Variants in CFAP54 observed in about 807,000 individuals in gnomAD.
CFAP54 encodes cilia and flagella associated protein 54, also known as cilia- and flagella-associated protein 54.
In CFAP54, 290 loss-of-function variants were observed where a neutral mutation model predicts 370.4. The observed-to-expected ratio is 0.78, with a 90% CI of 0.71 to 0.86. CFAP54 has a LOEUF of 0.86. Among genes scored for constraint, CFAP54 ranks in the 40% least tolerant of loss-of-function variants. The pLI is 0.00. For missense variants in CFAP54, 3,399 were observed against 3,528.7 expected (o/e 0.96, Z 0.93); for synonymous variants, 1,206 against 1,236.5 (o/e 0.98, Z 0.52).
At chr12:96,841,486 A>T (rs1959215004) in intron 66 of CFAP54, among the ~76,000 whole-genome samples, 1 of 152,246 alleles carries the variant, frequency 6.6e-6, no homozygotes, top group Non-Finnish European at 1.5e-5. Flanking sequence ...AGCTGAGTCA[A>T]TTGGCAAACC....
At chr12:96,551,972 C>T (rs117866665) in intron 15 of CFAP54, among the ~76,000 whole-genome samples, 18,480 of 152,080 alleles carry the variant, frequency 0.12, 1,205 homozygotes, top group Middle Eastern at 0.19. Context: ...TTGGGCTGGG[C>T]GTGGTGGCTC....
rs1260575279 is a variant in CFAP54, at chr12:96,829,032, T to C, written c.9115T>C (p.Cys3039Arg). 6.6e-7 allele frequency: 1 copy of C among 1,514,926 alleles called. No individual in the cohort carries two copies. Among genetic ancestry groups the C allele is most frequent in the Non-Finnish European group, 8.9e-7 (1 of 1,129,416 alleles). 93.8% of individuals were successfully genotyped at this position (1,514,926 alleles called of 1,614,324 possible). ...NEMEDMIIQC[C>R]SEIASLFLND... Reference sequence around the variant, plus strand: ...TTTCTAGGACATGATTATTCAATGTTGCTCTGAAATAGCATCTCTGTTTTT... The same window carrying C: ...TTTCTAGGACATGATTATTCAATGTCGCTCTGAAATAGCATCTCTGTTTTT... The change falls in exon 66 of 68, where the codon TGC (cysteine) becomes CGC (arginine). Residue 3039 changes from cysteine (C) to arginine (R), a missense_variant. Cys to Arg is a radical substitution (Grantham distance 180). This residue lies in a region of CFAP54 where 2,796 missense variants were observed against 2,869.7 expected (regional missense o/e 0.97). Transcript: ENST00000524981.
At chr12:96,715,891 A>ATATTCT (rs1957672404) in intron 48 of CFAP54, among the ~76,000 whole-genome samples, 2 of 152,060 alleles carry the variant, frequency 1.3e-5, no homozygotes, top group African/African-American at 4.8e-5. Context: ...CCTGGAGTTC[A>ATATTCT]CAAACAGGCC....
chr12:96,622,473 C>CT (rs1176058783), intron 27 of CFAP54, among the ~76,000 whole-genome samples: 2 of 152,060 alleles, frequency 1.3e-5, no homozygotes, highest in African/African-American at 4.8e-5. Context: ...GCCTCAGCCT[C>CT]TGAGTAGCTA....
At chr12:96,720,752 T>C (rs1422311254) in intron 50 of CFAP54, among the ~76,000 whole-genome samples, 187 bp downstream of exon 50, 2 of 152,360 alleles carry the variant, frequency 1.3e-5, no homozygotes, top group South Asian at 2.1e-4. Flanking sequence ...CTGGGTGTGG[T>C]GGCTCATGCC....
At chr12:96,505,414 T>G (rs1319005698) in intron 3 of CFAP54, among the ~76,000 whole-genome samples, 1 of 152,148 alleles carries the variant, frequency 6.6e-6, no homozygotes, top group Non-Finnish European at 1.5e-5. Context: ...CCATTGACTT[T>G]GCCTTTTGGC....
At chr12:96,743,976 C>G in intron 54 of CFAP54, 44 bp from the exon 55 acceptor site, 1 of 1,602,382 alleles carries the variant, frequency 6.2e-7, no homozygotes, top group Non-Finnish European at 8.5e-7. Context: ...CTATTCCAAA[C>G]CACGTCAACT....
chr12:96,847,580 C>A (rs984218268), intron 66 of CFAP54, among the ~76,000 whole-genome samples: 2 of 152,198 alleles, frequency 1.3e-5, no homozygotes, highest in African/African-American at 4.8e-5. Flanking sequence ...TGTACCACAA[C>A]TCTAAACAAT....
Position 96,678,399 on chromosome 12 carries a change from G to A in CFAP54, c.5564-1201G>A, listed in dbSNP as rs116392049. On this transcript the variant is annotated intron_variant, in intron 39 of 67. Coordinates refer to ENST00000524981, the MANE Select transcript of CFAP54 (RefSeq NM_001306084.2). Reference sequence around the variant, plus strand: ...CTTCAGTTGCTGGGATTACAGGCATGCATCATCATGCCTAGCTAATTTTTG... The same window carrying A: ...CTTCAGTTGCTGGGATTACAGGCATACATCATCATGCCTAGCTAATTTTTG... Among the ~76,000 whole-genome samples, 572 of 152,208 alleles carry A rather than the reference G, an allele frequency of 3.8e-3. 5 individuals carry two copies. The highest frequency in any genetic ancestry group is 0.012 in the African/African-American group (514 of 41,514).
At chr12:96,834,705 C>T (rs930890513) in intron 66 of CFAP54, among the ~76,000 whole-genome samples, 2 of 152,170 alleles carry the variant, frequency 1.3e-5, no homozygotes, top group African/African-American at 4.8e-5. Context: ...GCCTGGGGTC[C>T]CAGAAGGGCC....
At chr12:96,811,228 A>G (rs1958924885) in intron 63 of CFAP54, among the ~76,000 whole-genome samples, 1 of 152,196 alleles carries the variant, frequency 6.6e-6, no homozygotes, top group African/African-American at 2.4e-5. Flanking sequence ...CAGAATCCAA[A>G]CAACAGGGAA....
intron 33 of CFAP54, among the ~76,000 whole-genome samples, chr12:96,647,471 C>CGAAAAAAAAAAAAAAAAAA (rs1167008566): frequency 9.4e-5 from 1 of 10,688 alleles, no homozygotes; most frequent in Non-Finnish European, 2.5e-4. Flanking sequence ...AGACTCTGTC[C>CGAAAAAAAAAAAAAAAAAA]CAAAAAAAAA....
At chr12:96,811,652 T>A (rs956502574) in intron 63 of CFAP54, 84 bp from the exon 64 acceptor site, 33 of 700,946 alleles carry the variant, frequency 4.7e-5, no homozygotes, top group Admixed American at 1.1e-4. Flanking sequence ...TACAGTGATA[T>A]TATTTTGTGA....
At chr12:96,639,806 T>A (rs1177537889) in intron 32 of CFAP54, among the ~76,000 whole-genome samples, 1 of 152,220 alleles carries the variant, frequency 6.6e-6, no homozygotes, top group African/African-American at 2.4e-5. Context: ...ATCCAGCATA[T>A]AAACAGAACC....
chr12:96,603,683 T>C (rs941085609), intron 26 of CFAP54, among the ~76,000 whole-genome samples: 1 of 152,200 alleles, frequency 6.6e-6, no homozygotes, highest in Non-Finnish European at 1.5e-5. Flanking sequence ...TAATCTTGTC[T>C]TCTCCCTTTA....
rs750831667 is a variant in CFAP54, at chr12:96,708,724, G to A, written c.6645G>A (p.Ala2215=). 11 of 1,611,754 alleles carry A rather than the reference G, an allele frequency of 6.8e-6. No individual in the cohort carries two copies. Among genetic ancestry groups the A allele is most frequent in the African/African-American group, 1.3e-5 (1 of 74,808 alleles). ...VKAYFFLSVA[A]TINCVPENKF... ...CATACTTTTTCCTAAGTGTGGCTGC[G>A]ACAATAAATTGTGTCCCAGAAAATA... Residue 2215 remains alanine (A), a synonymous_variant, in exon 48 of 68, where the codon GCG becomes GCA. Transcript: ENST00000524981.
intron 23 of CFAP54, 30 bp downstream of exon 23, chr12:96,589,593 A>G (rs1956106330): frequency 7.7e-7 from 1 of 1,303,284 alleles, no homozygotes. Flanking sequence ...TAAAATATTA[A>G]TTTGCTTATT....
At chr12:96,688,453 A>G (rs990485778) in intron 42 of CFAP54, among the ~76,000 whole-genome samples, 5 of 152,204 alleles carry the variant, frequency 3.3e-5, no homozygotes, top group East Asian at 1.9e-4. Flanking sequence ...TAAGTGCTCA[A>G]AAGTGTAGGC....
intron 48 of CFAP54, among the ~76,000 whole-genome samples, chr12:96,712,129 T>C (rs909267080): frequency 6.6e-6 from 1 of 151,816 alleles, no homozygotes; most frequent in African/African-American, 2.4e-5. Context: ...TATTTATACA[T>C]TATACTATTT....
Sources: allele counts gnomAD v4.1 joint callset (sites outside exome capture counted in the v4.1 genomes callset), GRCh38; gene constraint gnomAD v4.1.1; regional missense constraint gnomAD v4.1.1; transcripts MANE v1.5; gene names NCBI Gene and HGNC (gene_info 2026-07-23, HGNC 2026-07-21).